Variants in RAPGEF6 observed in about 807,000 individuals in gnomAD.
RAPGEF6 encodes the protein Rap guanine nucleotide exchange factor 6.
A neutral mutation model predicts 171.4 loss-of-function variants in RAPGEF6; 56 were observed. The ratio of observed to expected loss-of-function variants is 0.33; its 90% CI spans 0.26 to 0.41. The LOEUF is 0.41. RAPGEF6 is among the 10% of genes least tolerant of loss of function. The pLI is 1.00. For synonymous variants in RAPGEF6, 692 were observed against 650.1 expected (o/e 1.06, Z -0.98); for missense variants, 1,674 against 1,921.4 (o/e 0.87, Z 2.41).
chr5:131,548,816 A>G (rs764878666), intron 5 of RAPGEF6, among the ~76,000 whole-genome samples: 50 of 152,188 alleles, frequency 3.3e-4, no homozygotes, highest in Middle Eastern at 3.2e-3. Context: ...AAACCCAAAG[A>G]TATTAGTGAC....
chr5:131,629,381 A>T (rs1445536403), intron 1 of RAPGEF6, among the ~76,000 whole-genome samples: 4 of 152,168 alleles, frequency 2.6e-5, no homozygotes, highest in Non-Finnish European at 5.9e-5. Context: ...AGTTTGAAAG[A>T]GGTTGAATCC....
intron 6 of RAPGEF6, among the ~76,000 whole-genome samples, chr5:131,528,301 A>C (rs1413862840): frequency 2.1e-5 from 1 of 47,816 alleles, no homozygotes; most frequent in Non-Finnish European, 4.9e-5. Flanking sequence ...AAAATAAAAT[A>C]ATATATTTAT....
chr5:131,575,121 G>A (rs191705316), intron 4 of RAPGEF6, among the ~76,000 whole-genome samples: 9 of 152,150 alleles, frequency 5.9e-5, no homozygotes, highest in Admixed American at 5.9e-4. Flanking sequence ...CGACCTCAAA[G>A]ATGCTTTCTT....
At position 131,442,468 on chromosome 5, in the gene RAPGEF6, G is replaced by T; in HGVS notation, c.3491C>A (p.Ala1164Asp). The T allele has an allele frequency of 1.2e-6, 2 of 1,614,152 alleles. No individual in the cohort carries two copies. The highest frequency in any genetic ancestry group is 1.7e-6 in the Non-Finnish European group (2 of 1,180,016). Residue 1164 changes from alanine to aspartate, a missense_variant, in exon 23 of 28, where the codon GCT (alanine) becomes GAT (aspartate). Coordinates refer to ENST00000509018, the MANE Select transcript of RAPGEF6 (RefSeq NM_016340.6). ...SEMSPVPMRS[A>D]GQTTKAHLHQ... ...CAAGTGGGCTTTAGTTGTTTGGCCA[G>T]CTGACCTCATAGGCACTGGAGACAT... is the stretch of plus-strand genomic sequence containing the variant.
rs764943869 is a variant in RAPGEF6 at position 131,433,539 on chromosome 5, G to A, written c.3865C>T (p.Gln1289Ter). 6.2e-7 allele frequency: 1 copy of A among 1,613,518 alleles called. No homozygotes were observed. Among genetic ancestry groups the A allele is most frequent in the Admixed American group, 1.7e-5 (1 of 60,016 alleles). ...GCCTGAGAGGAACACCGTTCATCCT[G>A]TAGAGCTGCAGACATGGAGTCAACA... ...CSVDSMSAAL[Q>*]DERCSSQALA... Residue 1289 changes from glutamine (Q) to a stop codon, truncating the protein, a stop_gained, in exon 25 of 28, where the codon CAG (glutamine) becomes TAG (stop). Coordinates refer to ENST00000509018, the MANE Select transcript of RAPGEF6 (RefSeq NM_016340.6). LOFTEE classifies it high-confidence loss of function.
intron 4 of RAPGEF6, among the ~76,000 whole-genome samples, chr5:131,578,982 A>C (rs1242526639): frequency 1.3e-5 from 2 of 151,730 alleles, no homozygotes; most frequent in Non-Finnish European, 2.9e-5. Flanking sequence ...GAAGCCGCGG[A>C]CCCTCGTAGT....
chr5:131,530,333 T>C (rs1049777850), intron 6 of RAPGEF6, among the ~76,000 whole-genome samples: 68 of 152,226 alleles, frequency 4.5e-4, no homozygotes, highest in Non-Finnish European at 3.2e-4. Flanking sequence ...TAAACAATTA[T>C]CTTAAGAGTA....
chr5:131,590,241 A>T (rs896213799), intron 4 of RAPGEF6, among the ~76,000 whole-genome samples: 2 of 152,254 alleles, frequency 1.3e-5, no homozygotes, highest in East Asian at 3.9e-4. Flanking sequence ...CTTTACTAAA[A>T]ATACAAAAAT....
Position 131,504,670 on chromosome 5 carries a change from C to G in RAPGEF6, c.1210G>C (p.Glu404Gln). 6.2e-7 allele frequency: 1 copy of G among 1,613,558 alleles called. No individual in the cohort carries two copies. Among genetic ancestry groups the G allele is most frequent in the Non-Finnish European group, 8.5e-7 (1 of 1,179,828 alleles). The change falls in exon 11 of 28, where the codon GAA becomes CAA. Residue 404 changes from glutamate (E) to glutamine (Q), a missense_variant. Transcript: ENST00000509018. ...TTCCTGGTTCCACTCCGGTCTAGTT[C>G]CCGATGCTCATGTACCATAACAATT... The part of the protein sequence containing the change: ...GEIVMVHEHR[E>Q]LDRSGTRKGH...
rs151162715 is a variant in RAPGEF6, at chr5:131,577,494, G to A, written c.281+14889C>T. Among the ~76,000 whole-genome samples, 1,095 of 152,218 alleles carry A rather than the reference G, an allele frequency of 7.2e-3. 7 individuals carry two copies. Among genetic ancestry groups the A allele is most frequent in the African/African-American group, 0.024 (1,006 of 41,512 alleles). On this transcript the variant is annotated intron_variant, in intron 4 of 27. Coordinates refer to ENST00000509018, the MANE Select transcript of RAPGEF6 (RefSeq NM_016340.6). ...CGTGCCAGACACCAGCCCTCTAGGC[G>A]ACTATCTTCCAGTCCTCCAGCAGGC...
In RAPGEF6 at chr5:131,580,550, C is replaced by T. The variant is rs1490200637; in HGVS notation, c.281+11833G>A. Among the ~76,000 whole-genome samples, 8 of 152,298 alleles carry T rather than the reference C, an allele frequency of 5.3e-5. No individual in the cohort carries two copies. The South Asian group carries it at 8.3e-4, about 16-fold the overall frequency. ...GCAGATGCCGAGGAGGCGGTGAGAG[C>T]GAGAGAGGGCCGCCAGCACGTTGTC... is the stretch of plus-strand genomic sequence containing the variant. On this transcript the variant is annotated intron_variant, in intron 4 of 27. Coordinates refer to ENST00000509018, the MANE Select transcript of RAPGEF6 (RefSeq NM_016340.6).
chr5:131,488,489 C>T (rs1216857777), intron 15 of RAPGEF6, among the ~76,000 whole-genome samples: 1 of 152,046 alleles, frequency 6.6e-6, no homozygotes, highest in African/African-American at 2.4e-5. Flanking sequence ...GTTGGCATTT[C>T]TAGATATTAG....
At position 131,468,488 on chromosome 5, in the gene RAPGEF6, C is replaced by T. The variant is rs114545051; in HGVS notation, c.2239+4099G>A. ...GAGAGCTAATTTATAAATCTTACAGCGGTAAAATTAAAAAATGAATACTTG... is the reference window on the plus strand; with the variant it reads ...GAGAGCTAATTTATAAATCTTACAGTGGTAAAATTAAAAAATGAATACTTG... On this transcript the variant is annotated intron_variant, in intron 17 of 27. Transcript: ENST00000509018. Among the ~76,000 whole-genome samples, 857 of 130,316 alleles carry T rather than the reference C, an allele frequency of 6.6e-3. 4 individuals carry two copies. Among genetic ancestry groups the T allele is most frequent in the African/African-American group, 0.021 (776 of 36,964 alleles). The allele number at this position is 130,316 out of a possible 152,430, so 85.5% of individuals were successfully genotyped here. A position where few individuals can be genotyped will look rare whatever the true frequency, so the allele number is the denominator to read the frequency against.
chr5:131,558,326 T>C (rs1297959881), intron 5 of RAPGEF6, among the ~76,000 whole-genome samples: 1 of 152,076 alleles, frequency 6.6e-6, no homozygotes, highest in Admixed American at 6.5e-5. Context: ...TGCTAGATCG[T>C]AGTAGTGAAT....
intron 23 of RAPGEF6, among the ~76,000 whole-genome samples, chr5:131,440,840 T>G (rs1476189319): frequency 3.3e-5 from 5 of 151,850 alleles, no homozygotes; most frequent in Non-Finnish European, 5.9e-5. Context: ...AGAGCTAACT[T>G]TGTCCCTCTC....
intron 4 of RAPGEF6, among the ~76,000 whole-genome samples, chr5:131,586,273 A>G (rs180708180): frequency 3.9e-4 from 60 of 152,362 alleles, no homozygotes; most frequent in Non-Finnish European, 7.2e-4. Context: ...CTTATTCAGA[A>G]TATATAAAAA....
At chr5:131,508,625 A>C (rs1680110016) in intron 8 of RAPGEF6, among the ~76,000 whole-genome samples, 1 of 152,234 alleles carries the variant, frequency 6.6e-6, no homozygotes, top group South Asian at 2.1e-4. Flanking sequence ...AAAAGTAATT[A>C]AAACAGGGAT....
At chr5:131,562,843 A>C (rs1418617656) in intron 4 of RAPGEF6, among the ~76,000 whole-genome samples, 1 of 152,188 alleles carries the variant, frequency 6.6e-6, no homozygotes, top group African/African-American at 2.4e-5. Context: ...ATGAAGTGCC[A>C]ACTATATATA....
chr5:131,613,615 G>A (rs1561607460), intron 1 of RAPGEF6, among the ~76,000 whole-genome samples: 1 of 152,072 alleles, frequency 6.6e-6, no homozygotes, highest in Admixed American at 6.5e-5. Context: ...GTAAATGAAT[G>A]GGTGTGACTG....
Sources: gnomAD v4.1 joint callset for allele counts (sites outside exome capture counted in the v4.1 genomes callset) on GRCh38, gnomAD v4.1.1 for gene constraint, MANE v1.5 for transcripts, NCBI Gene and HGNC (gene_info 2026-07-23, HGNC 2026-07-21) for gene names.